The following SNTG1 variants were observed in gnomAD, a reference collection of about 807,000 sequenced individuals.
The protein encoded by SNTG1 is gamma-1-syntrophin.
In SNTG1, 39 loss-of-function variants were observed where a neutral mutation model predicts 74.7. The ratio of observed to expected loss-of-function variants is 0.52; its 90% confidence interval spans 0.40 to 0.68. The LOEUF is 0.68. Among genes scored for constraint, SNTG1 ranks in the 30% least tolerant of loss-of-function variants. The pLI is 0.00. For missense variants in SNTG1, 685 were observed against 609.5 expected (o/e 1.12, Z -1.30); for synonymous variants, 254 against 217.1 (o/e 1.17, Z -1.49).
chr8:50,726,531 T>C (rs2095500556), intron 17 of SNTG1, among the ~76,000 whole-genome samples: 1 of 152,110 alleles, frequency 6.6e-6, no homozygotes, highest in South Asian at 2.1e-4. Context: ...CAGAGTACAG[T>C]TGAAAGTCAG....
At chr8:50,135,175 A>G (rs886951806) in intron 1 of SNTG1, among the ~76,000 whole-genome samples, 4 of 152,150 alleles carry the variant, frequency 2.6e-5, no homozygotes, top group African/African-American at 9.7e-5. Context: ...TGAAAAGTCA[A>G]TTGATCTTCA....
At chr8:50,731,637 G>T (rs920164202) in intron 17 of SNTG1, among the ~76,000 whole-genome samples, 1 of 152,070 alleles carries the variant, frequency 6.6e-6, no homozygotes, top group Admixed American at 6.6e-5. Context: ...CTCAGAGCCA[G>T]CTATAAGGCA....
intron 3 of SNTG1, among the ~76,000 whole-genome samples, chr8:50,396,873 A>G (rs984405408): frequency 2.0e-5 from 3 of 152,236 alleles, no homozygotes; most frequent in Admixed American, 6.5e-5. Flanking sequence ...CAAATTCTTA[A>G]TAAGTTTAAA....
chr8:49,997,661 T>C (rs979447360), intron 1 of SNTG1, among the ~76,000 whole-genome samples: 32 of 152,272 alleles, frequency 2.1e-4, no homozygotes, highest in African/African-American at 7.7e-4. Flanking sequence ...CCTAGAAATA[T>C]TTTATCACTT....
At chr8:50,507,589 T>C (rs1007645544) in intron 9 of SNTG1, among the ~76,000 whole-genome samples, 25 of 152,204 alleles carry the variant, frequency 1.6e-4, no homozygotes, top group Admixed American at 1.4e-3. Context: ...CTATTTTTTC[T>C]AGATTATTCA....
intron 1 of SNTG1, among the ~76,000 whole-genome samples, chr8:49,972,966 G>C (rs930462320): frequency 3.9e-5 from 6 of 152,128 alleles, no homozygotes; most frequent in African/African-American, 1.4e-4. Context: ...CGATTCCTCA[G>C]GGATCTAGAA....
intron 4 of SNTG1, among the ~76,000 whole-genome samples, chr8:50,413,806 T>G (rs2092980879): frequency 6.6e-6 from 1 of 152,192 alleles, no homozygotes; most frequent in South Asian, 2.1e-4. Flanking sequence ...CCCATCTTCC[T>G]TTCAGTTCAC....
chr8:50,355,555 G>A (rs772037022), intron 2 of SNTG1, among the ~76,000 whole-genome samples: 7 of 152,070 alleles, frequency 4.6e-5, no homozygotes, highest in Non-Finnish European at 7.4e-5. Context: ...AACCTTTTCA[G>A]GTTCAAAAAA....
chr8:50,751,986 T>TA lies in SNTG1; in HGVS notation c.1285-15_1285-14insA. The TA allele has an allele frequency of 6.8e-7, 1 of 1,474,650 alleles. No homozygotes were observed. The highest frequency in any genetic ancestry group is 9.1e-7 in the Non-Finnish European group (1 of 1,104,156). The allele number at this position is 1,474,650 out of a possible 1,614,324, so 91.3% of individuals were successfully genotyped here. On this transcript the variant is annotated splice_polypyrimidine_tract_variant and intron_variant, in intron 17 of 18. Coordinates refer to ENST00000642720, the MANE Select transcript of SNTG1 (RefSeq NM_018967.5). ...TAATTCCACCGACTTACATTGTTTT[T>TA]TTTCCCCCCTTTAGGCTGTCCTTTG...
At chr8:50,609,216 T>C (rs2094833533) in intron 13 of SNTG1, among the ~76,000 whole-genome samples, 1 of 152,082 alleles carries the variant, frequency 6.6e-6, no homozygotes, top group Non-Finnish European at 1.5e-5. Context: ...GTTAAGTATT[T>C]CATGTGGGGA....
intron 2 of SNTG1, among the ~76,000 whole-genome samples, chr8:50,332,542 G>A (rs767622818): frequency 1.3e-5 from 2 of 152,026 alleles, no homozygotes; most frequent in Non-Finnish European, 2.9e-5. Context: ...AAAATACATG[G>A]AATCGTGTAT....
At chr8:50,524,074 T>G (rs1394730247) in intron 9 of SNTG1, among the ~76,000 whole-genome samples, 1 of 152,198 alleles carries the variant, frequency 6.6e-6, no homozygotes, top group African/African-American at 2.4e-5. Flanking sequence ...CTTTCATTTG[T>G]TTCCTTGTTT....
intron 2 of SNTG1, among the ~76,000 whole-genome samples, chr8:50,220,097 CAGGTGTATGACAAAA>C (rs775419520): frequency 6.6e-6 from 1 of 152,088 alleles, no homozygotes; most frequent in Non-Finnish European, 1.5e-5. Context: ...TGACCCTTCT[CAGGTGTATGACAAAA>C]AGAAGGGCCA....
At chr8:49,997,809 T>C (rs190429547) in intron 1 of SNTG1, among the ~76,000 whole-genome samples, 8 of 152,290 alleles carry the variant, frequency 5.3e-5, no homozygotes, top group Admixed American at 2.0e-4. Context: ...TAGAAATCTA[T>C]TGTTTCATCT....
intron 13 of SNTG1, among the ~76,000 whole-genome samples, chr8:50,647,036 C>G (rs1027453611): frequency 2.0e-5 from 3 of 152,096 alleles, no homozygotes; most frequent in Admixed American, 6.6e-5. Flanking sequence ...AATCTAGACA[C>G]AAACCTTACA....
chr8:50,686,210 G>C (rs2095351938), intron 15 of SNTG1, among the ~76,000 whole-genome samples: 1 of 152,156 alleles, frequency 6.6e-6, no homozygotes, highest in Admixed American at 6.5e-5. Flanking sequence ...ATCATCTCCT[G>C]TTGAAAATGC....
At chr8:50,270,109 A>C (rs2087700886) in intron 2 of SNTG1, among the ~76,000 whole-genome samples, 1 of 152,212 alleles carries the variant, frequency 6.6e-6, no homozygotes, top group East Asian at 1.9e-4. Flanking sequence ...TCAAAGCAGA[A>C]AACATGAGCT....
At chr8:50,005,411 A>G (rs1262555806) in intron 1 of SNTG1, among the ~76,000 whole-genome samples, 1 of 151,846 alleles carries the variant, frequency 6.6e-6, no homozygotes, top group Non-Finnish European at 1.5e-5. Flanking sequence ...TGTTTCTCAT[A>G]TTGTAAAAAG....
intron 1 of SNTG1, among the ~76,000 whole-genome samples, chr8:49,949,153 G>A (rs779624757): frequency 6.6e-6 from 1 of 152,156 alleles, no homozygotes; most frequent in African/African-American, 2.4e-5. Context: ...GCTCTTCTTA[G>A]GAAAGGCACT....
Sources: gnomAD v4.1 joint callset for allele counts (sites outside exome capture counted in the v4.1 genomes callset) on GRCh38, gnomAD v4.1.1 for gene constraint, MANE v1.5 for transcripts, NCBI Gene and HGNC (gene_info 2026-07-23, HGNC 2026-07-21) for gene names.